The following TOM1 variants were observed in gnomAD, a reference collection of about 807,000 sequenced individuals.
TOM1 encodes target of Myb protein 1.
In TOM1, 38 loss-of-function variants were observed where a neutral mutation model predicts 61.3. That is an observed-to-expected ratio of 0.62 (90% confidence interval 0.48 to 0.81). The LOEUF is 0.81. TOM1 is among the 40% of genes least tolerant of loss of function. The pLI is 0.00. For missense variants in TOM1, 591 were observed against 659.6 expected (o/e 0.90, Z 1.14); for synonymous variants, 270 against 268.8 (o/e 1.00, Z -0.04).
chr22:35,344,541 T>G (rs1930339572), intron 12 of TOM1: 1 of 152,224 alleles, frequency 6.6e-6, no homozygotes, highest in African/African-American at 2.4e-5. Context: ...GCGATGGGGA[T>G]AGCGGAGCGG....
intron 12 of TOM1, 143 bp from the exon 13 acceptor site, chr22:35,345,582 G>T (rs1241008138): frequency 1.3e-6 from 1 of 750,036 alleles, no homozygotes; most frequent in Non-Finnish European, 2.3e-6. Context: ...TGGCACAGCG[G>T]GCCCAGTGGT....
intron 11 of TOM1, among the ~76,000 whole-genome samples, chr22:35,336,165 A>G (rs576744483): frequency 1.4e-4 from 21 of 152,294 alleles, no homozygotes; most frequent in African/African-American, 5.1e-4. Flanking sequence ...TTCTCAGGCC[A>G]TTGGTTCTCC....
chr22:35,334,655 G>T (rs1045203807), intron 11 of TOM1, among the ~76,000 whole-genome samples: 3 of 152,184 alleles, frequency 2.0e-5, no homozygotes, highest in African/African-American at 7.2e-5. Flanking sequence ...CATGCTGGGT[G>T]GGGGAGGGGG....
At chr22:35,307,645 T>C (rs1926440360) in intron 1 of TOM1, among the ~76,000 whole-genome samples, 1 of 152,096 alleles carries the variant, frequency 6.6e-6, no homozygotes, top group Admixed American at 6.5e-5. Flanking sequence ...GGAGGGGAAC[T>C]GGGCCTCGCT....
chr22:35,323,384 TTAA>T lies in TOM1; in HGVS notation c.367-111_367-109del. 1 of 1,360,732 alleles carries T rather than the reference TTAA, an allele frequency of 7.3e-7. No homozygotes were observed. Among genetic ancestry groups the T allele is most frequent in the Non-Finnish European group, 1.0e-6 (1 of 998,714 alleles). 84.3% of individuals were successfully genotyped at this position (1,360,732 alleles called of 1,614,324 possible). A position where few individuals can be genotyped will look rare whatever the true frequency, so the allele number is the denominator to read the frequency against. On this transcript the variant is annotated intron_variant, in intron 4 of 14. Transcript: ENST00000449058. This position sits in a 1 kb window ranked among gnomAD's most constrained non-coding sequence, Gnocchi z 4.2. ...TGTGGAGTGGGCAGGGCAGATGTAG[TTAA>T]AAAAAAAAAAAAAGCAGGGAAAGAA...
intron 12 of TOM1, among the ~76,000 whole-genome samples, chr22:35,342,379 G>A (rs534308997): frequency 5.3e-5 from 8 of 152,108 alleles, no homozygotes; most frequent in East Asian, 3.9e-4. Flanking sequence ...CAGGACTCTC[G>A]TCTCCCTCCA....
chr22:35,314,458 G>A (rs532948386), intron 1 of TOM1, among the ~76,000 whole-genome samples: 1 of 125,852 alleles, frequency 7.9e-6, no homozygotes, highest in African/African-American at 2.6e-5. Context: ...GGTGGGGGCG[G>A]GGGGTCCTTC....
intron 1 of TOM1, among the ~76,000 whole-genome samples, chr22:35,306,853 TG>T (rs1307887147): frequency 6.6e-6 from 1 of 152,232 alleles, no homozygotes; most frequent in African/African-American, 2.4e-5. Context: ...GGTCACTGGC[TG>T]GGTGGCCACC....
In TOM1 at chr22:35,347,395, G is replaced by A. The variant is rs1190280987; in HGVS notation, c.*186G>A. 5 of 575,214 alleles carry A rather than the reference G, an allele frequency of 8.7e-6. No homozygotes were observed. The highest frequency in any genetic ancestry group is 1.5e-5 in the Non-Finnish European group (5 of 337,712). 35.6% of individuals were successfully genotyped at this position (575,214 alleles called of 1,614,324 possible). A position where few individuals can be genotyped will look rare whatever the true frequency, so the allele number is the denominator to read the frequency against. On this transcript the variant is annotated 3_prime_UTR_variant, in exon 15 of 15. Coordinates refer to ENST00000449058, the MANE Select transcript of TOM1 (RefSeq NM_005488.3). ...GTGGAGGCAGTGGGATGAACTGGGGGACAGGTCTGCGCTGCAGTGGGATCT... is the reference window on the plus strand; with the variant it reads ...GTGGAGGCAGTGGGATGAACTGGGGAACAGGTCTGCGCTGCAGTGGGATCT...
chr22:35,303,209 G>A (rs971197763), intron 1 of TOM1, among the ~76,000 whole-genome samples: 1 of 151,854 alleles, frequency 6.6e-6, no homozygotes, highest in Admixed American at 6.6e-5. Context: ...CCACTGAGGA[G>A]CTCCAGATCA....
chr22:35,320,399 G>A (rs1354422689), intron 2 of TOM1, among the ~76,000 whole-genome samples: 1 of 152,092 alleles, frequency 6.6e-6, no homozygotes, highest in Non-Finnish European at 1.5e-5. Flanking sequence ...ATCACAGAGG[G>A]GACAGGGAGA....
At chr22:35,333,161 C>T in intron 9 of TOM1, 147 bp downstream of exon 9, 1 of 968,328 alleles carries the variant, frequency 1.0e-6, no homozygotes, top group Non-Finnish European at 1.6e-6. Flanking sequence ...TTTTTATGTC[C>T]CTGTCCCTTT....
intron 6 of TOM1, among the ~76,000 whole-genome samples, 159 bp downstream of exon 6, chr22:35,324,073 CAG>C (rs1326953744): frequency 6.6e-6 from 1 of 152,234 alleles, no homozygotes; most frequent in Non-Finnish European, 1.5e-5. Context: ...CGATGAGACT[CAG>C]AGAGGTCCAT....
intron 6 of TOM1, among the ~76,000 whole-genome samples, chr22:35,325,695 A>AT (rs1273033185): frequency 3.3e-5 from 5 of 152,284 alleles, no homozygotes; most frequent in African/African-American, 1.2e-4. Flanking sequence ...CCACCTTGTG[A>AT]TTGTCTAACT....
intron 1 of TOM1, among the ~76,000 whole-genome samples, chr22:35,314,070 G>T (rs1927072072): frequency 6.6e-6 from 1 of 152,234 alleles, no homozygotes. Context: ...GTTCCTGTGG[G>T]TTTAAAATTC....
chr22:35,340,826 C>T (rs1225533168), intron 12 of TOM1, among the ~76,000 whole-genome samples: 1 of 152,184 alleles, frequency 6.6e-6, no homozygotes, highest in African/African-American at 2.4e-5. Flanking sequence ...CTTCGTGACC[C>T]CCAAGGGCAC....
At chr22:35,302,980 T>C (rs749206244) in intron 1 of TOM1, among the ~76,000 whole-genome samples, 6 of 152,172 alleles carry the variant, frequency 3.9e-5, no homozygotes, top group Non-Finnish European at 7.3e-5. Flanking sequence ...GTACCATCTC[T>C]TCTCAAGCCT....
rs536257727 is a variant in TOM1, at chr22:35,311,220, G to A, written c.53-6657G>A. 4 of 152,372 alleles carry A rather than the reference G, an allele frequency of 2.6e-5. No homozygotes were observed. In the South Asian group the frequency reaches 8.3e-4, roughly 32 times the overall value. 9.4% of individuals were successfully genotyped at this position (152,372 alleles called of 1,614,324 possible). ...CCGGTGCCTTCAGGTCCATGCCGTAGTTGTCCACCGCGGAGCAGTCCCGTG... is the reference window on the plus strand; with the variant it reads ...CCGGTGCCTTCAGGTCCATGCCGTAATTGTCCACCGCGGAGCAGTCCCGTG... On this transcript the variant is annotated intron_variant, in intron 1 of 14. Transcript: ENST00000449058.
chr22:35,321,767 G>A (rs762162733), intron 2 of TOM1, 192 bp from the exon 3 acceptor site: 110 of 707,946 alleles, frequency 1.6e-4, no homozygotes, highest in Non-Finnish European at 1.5e-4. Flanking sequence ...AGGTCCAGGG[G>A]CCACAGGTTG....
Sources: allele counts gnomAD v4.1 joint callset (sites outside exome capture counted in the v4.1 genomes callset), GRCh38; gene constraint gnomAD v4.1.1; non-coding constraint Gnocchi (gnomAD v3.1); transcripts MANE v1.5; gene names NCBI Gene and HGNC (gene_info 2026-07-23, HGNC 2026-07-21).